Variants in ALMS1 observed in about 807,000 individuals in gnomAD.
The protein encoded by ALMS1 is centrosome-associated protein ALMS1.
A neutral mutation model predicts 352.2 loss-of-function variants in ALMS1; 271 were observed. The observed-to-expected ratio is 0.77, with a 90% CI of 0.70 to 0.85. ALMS1 has a LOEUF of 0.85. ALMS1 is among the 40% of genes least tolerant of loss of function. The probability of loss-of-function intolerance (pLI) is 0.00; values close to 1 mark genes in which losing one functional copy is unlikely to be tolerated. For synonymous variants in ALMS1, 1,865 were observed against 1,761.2 expected (o/e 1.06, Z -1.48); for missense variants, 5,445 against 4,870.7 (o/e 1.12, Z -3.51).
At chr2:73,389,153 T>A (rs184982513) in intron 1 of ALMS1, among the ~76,000 whole-genome samples, 2 of 152,372 alleles carry the variant, frequency 1.3e-5, no homozygotes, top group East Asian at 3.8e-4. Context: ...TGAGATGGTA[T>A]CTCATTGTGA....
chr2:73,389,501 C>A (rs1670599806), intron 1 of ALMS1, among the ~76,000 whole-genome samples: 1 of 152,046 alleles, frequency 6.6e-6, no homozygotes, highest in Admixed American at 6.6e-5. Context: ...AGGTCTTAAT[C>A]ATAAACTTTT....
chr2:73,548,533 C>T (rs1674365888), intron 12 of ALMS1, among the ~76,000 whole-genome samples: 1 of 152,142 alleles, frequency 6.6e-6, no homozygotes, highest in South Asian at 2.1e-4. Flanking sequence ...TCTTGGAGAA[C>T]GAGGGGTGGT....
At chr2:73,535,010 T>A in intron 12 of ALMS1, 61 bp downstream of exon 12, 1 of 1,603,208 alleles carries the variant, frequency 6.2e-7, no homozygotes, top group African/African-American at 1.3e-5. Context: ...TATTGGCTAG[T>A]TGATTCTGGA....
At chr2:73,543,381 A>G (rs980699735) in intron 12 of ALMS1, among the ~76,000 whole-genome samples, 1 of 152,246 alleles carries the variant, frequency 6.6e-6, no homozygotes, top group African/African-American at 2.4e-5. Flanking sequence ...TGGATTAAAG[A>G]CTTACATGTT....
At chr2:73,553,331 G>T (rs531212644) in intron 13 of ALMS1, among the ~76,000 whole-genome samples, 1 of 152,304 alleles carries the variant, frequency 6.6e-6, no homozygotes, top group African/African-American at 2.4e-5. Context: ...TGGTGGGATT[G>T]AGGAAATGGA....
intron 9 of ALMS1, among the ~76,000 whole-genome samples, chr2:73,463,013 C>A (rs1558655560): frequency 6.6e-6 from 1 of 152,162 alleles, no homozygotes; most frequent in African/African-American, 2.4e-5. Flanking sequence ...CAATGGGAGA[C>A]TTTAACACCC....
At chr2:73,513,934 T>G (rs891706048) in intron 10 of ALMS1, among the ~76,000 whole-genome samples, 16 of 152,184 alleles carry the variant, frequency 1.1e-4, no homozygotes, top group Admixed American at 8.5e-4. Flanking sequence ...TTGCTACAGA[T>G]TCCCGCCTTG....
chr2:73,407,055 T>C (rs1256537990), intron 1 of ALMS1, among the ~76,000 whole-genome samples: 1 of 152,218 alleles, frequency 6.6e-6, no homozygotes, highest in Non-Finnish European at 1.5e-5. Flanking sequence ...ACTGGGTAGT[T>C]TATTTTAAAA....
intron 9 of ALMS1, among the ~76,000 whole-genome samples, chr2:73,484,989 A>T (rs956420695): frequency 2.7e-4 from 41 of 152,138 alleles, no homozygotes; most frequent in African/African-American, 9.9e-4. Flanking sequence ...AATTTTTTTC[A>T]AAGTTTTCAA....
chr2:73,408,783 G>A (rs756621414), intron 2 of ALMS1, 36 bp downstream of exon 2: 124 of 1,541,476 alleles, frequency 8.0e-5, no homozygotes, highest in Admixed American at 1.7e-4. Flanking sequence ...TTTTTTTTTT[G>A]ATAAGCAGCA....
At chr2:73,588,877 A>G (rs930289899) in intron 16 of ALMS1, among the ~76,000 whole-genome samples, 1 of 152,306 alleles carries the variant, frequency 6.6e-6, no homozygotes, top group East Asian at 1.9e-4. Flanking sequence ...TTACATGCCT[A>G]TATACGAAGA....
intron 7 of ALMS1, among the ~76,000 whole-genome samples, chr2:73,442,490 T>C (rs748665562): frequency 3.3e-5 from 5 of 152,176 alleles, no homozygotes; most frequent in Non-Finnish European, 5.9e-5. Context: ...TTTATAACCT[T>C]ACCATAAACA....
At position 73,453,327 on chromosome 2, in the gene ALMS1, T is replaced by C; in HGVS notation, c.6800T>C (p.Met2267Thr). The C allele has an allele frequency of 6.2e-7, 1 of 1,613,966 alleles. No homozygotes were observed. Among genetic ancestry groups the C allele is most frequent in the Non-Finnish European group, 8.5e-7 (1 of 1,179,982 alleles). Residue 2267 changes from methionine to threonine, a missense_variant, in exon 8 of 23, where the codon ATG becomes ACG. Physicochemically the swap from Met to Thr is moderately conservative, Grantham distance 81 (BLOSUM62 -1). Coordinates refer to ENST00000613296, the MANE Select transcript of ALMS1 (RefSeq NM_001378454.1). Reference protein sequence around the residue: ...KTLKEIRTLLMEAENMALKRC... With the variant: ...KTLKEIRTLLTEAENMALKRC... ...CTTAAGGAAATTCGGACACTTTTGA[T>C]GGAGGCAGAAAATATGGCACTGAAA...
intron 1 of ALMS1, among the ~76,000 whole-genome samples, chr2:73,402,393 C>A (rs1670891844): frequency 1.3e-5 from 2 of 151,426 alleles, no homozygotes; most frequent in South Asian, 4.2e-4. Flanking sequence ...TGTGTCTCAG[C>A]CTCCTGAGTA....
intron 1 of ALMS1, among the ~76,000 whole-genome samples, chr2:73,395,615 T>C (rs1286710065): frequency 1.3e-5 from 2 of 152,176 alleles, no homozygotes; most frequent in Non-Finnish European, 2.9e-5. Flanking sequence ...TTAAAAACAC[T>C]TGATTTTTAT....
At chr2:73,393,290 T>TG (rs1670686855) in intron 1 of ALMS1, among the ~76,000 whole-genome samples, 2 of 152,194 alleles carry the variant, frequency 1.3e-5, no homozygotes, top group Non-Finnish European at 2.9e-5. Flanking sequence ...TTTATAGTAT[T>TG]GCTATTACAT....
At chr2:73,412,029 C>T (rs1247525014) in intron 2 of ALMS1, among the ~76,000 whole-genome samples, 1 of 152,180 alleles carries the variant, frequency 6.6e-6, no homozygotes, top group African/African-American at 2.4e-5. Context: ...TATACATTTT[C>T]TGTTTCTGTT....
Position 73,601,381 on chromosome 2 carries a change from C to G in ALMS1, c.12059C>G (p.Pro4020Arg). The change falls in exon 19 of 23, where the codon CCA becomes CGA. Residue 4020 changes from proline to arginine, a missense_variant. Transcript: ENST00000613296. ...GACGGTCGGGGCTACCTGGCAGGCC[C>G]AGGCAGAGAGGCTGGCAGAGACCTA... ...HLDGRGYLAG[P>R]GREAGRDLLR... The G allele has an allele frequency of 1.2e-6, 2 of 1,614,106 alleles. No individual in the cohort carries two copies. Among genetic ancestry groups the G allele is most frequent in the Non-Finnish European group, 1.7e-6 (2 of 1,179,950 alleles).
intron 10 of ALMS1, among the ~76,000 whole-genome samples, chr2:73,510,654 C>T (rs536021199): frequency 2.1e-3 from 316 of 152,290 alleles, no homozygotes; most frequent in African/African-American, 7.3e-3. Context: ...CTGTCGACCC[C>T]TGCTGGTAGG....
Sources: allele counts gnomAD v4.1 joint callset (sites outside exome capture counted in the v4.1 genomes callset), GRCh38; gene constraint gnomAD v4.1.1; transcripts MANE v1.5; gene names NCBI Gene and HGNC (gene_info 2026-07-23, HGNC 2026-07-21).